CDYL: variants seen among roughly 807,000 people sequenced by gnomAD.
The protein encoded by CDYL is chromodomain Y-like protein.
A neutral mutation model predicts 47.3 loss-of-function variants in CDYL; 8 were observed. The observed-to-expected ratio is 0.17, with a 90% CI of 0.10 to 0.31. The LOEUF (loss-of-function observed/expected upper bound fraction) is 0.31, where lower values mean the gene tolerates loss of function less well. CDYL is among the 10% of genes least tolerant of loss of function. The pLI is 1.00. For synonymous variants in CDYL, 266 were observed against 265.0 expected (o/e 1.00, Z -0.04); for missense variants, 471 against 701.4 (o/e 0.67, Z 3.71).
At chr6:4,712,188 C>A (rs146637672) in intron 1 of CDYL, among the ~76,000 whole-genome samples, 16 of 152,176 alleles carry the variant, frequency 1.1e-4, no homozygotes, top group Non-Finnish European at 2.1e-4. Flanking sequence ...CAGAAAAGAG[C>A]ACCTCTTGAG....
Position 4,841,190 on chromosome 6 carries a change from T to C in CDYL, c.25-50523T>C, listed in dbSNP as rs1239488200. On this transcript the variant is annotated intron_variant, in intron 1 of 6. Coordinates refer to ENST00000397588, the MANE Select transcript of CDYL (RefSeq NM_004824.4). ...TCCATTTCCTCTAGGTTTTTTAGTT[T>C]ATGTGCATAAAGGTGTTCGTAGTTG... Among the ~76,000 whole-genome samples the C allele has an allele frequency of 4.6e-5, 7 of 152,212 alleles. No homozygotes were observed. In the East Asian group the frequency reaches 1.2e-3, roughly 25 times the overall value.
At chr6:4,947,959 C>T (rs112081084) in intron 5 of CDYL, among the ~76,000 whole-genome samples, 2,343 of 152,244 alleles carry the variant, frequency 0.015, 66 homozygotes, top group African/African-American at 0.051. Flanking sequence ...GGGGTGGGGA[C>T]GTGGGTGGCT....
intron 1 of CDYL, among the ~76,000 whole-genome samples, chr6:4,856,194 A>G (rs990125425): frequency 2.0e-5 from 3 of 152,230 alleles, no homozygotes; most frequent in East Asian, 1.9e-4. Flanking sequence ...GGGGCATCAC[A>G]TGAGATCATA....
rs543552430 is a variant in CDYL, at chr6:4,724,099, G to A, written c.103+8218G>A. Among the ~76,000 whole-genome samples the A allele has an allele frequency of 1.7e-4, 26 of 152,328 alleles. 1 individual carries two copies. The highest frequency in any genetic ancestry group is 4.6e-4 in the Admixed American group (7 of 15,300). Reference sequence around the variant, plus strand: ...TGACACCCAGGCTCTGGAGTGCAGGGGCATGATCTTGGCTCACTATAACCT... The same window carrying A: ...TGACACCCAGGCTCTGGAGTGCAGGAGCATGATCTTGGCTCACTATAACCT... On this transcript the variant is annotated intron_variant, in intron 2 of 8. Transcript: ENST00000328908.
intron 2 of CDYL, among the ~76,000 whole-genome samples, chr6:4,727,487 A>T (rs1288970436): frequency 6.6e-6 from 1 of 152,064 alleles, no homozygotes. Context: ...GAAAACTACC[A>T]AGTCATCTCT....
intron 4 of CDYL, among the ~76,000 whole-genome samples, chr6:4,941,612 CA>C (rs113944013): frequency 1.3e-5 from 2 of 152,148 alleles, no homozygotes; most frequent in African/African-American, 4.8e-5. Flanking sequence ...ATTTCAGTTC[CA>C]AAAAATGCCT....
intron 1 of CDYL, among the ~76,000 whole-genome samples, chr6:4,875,589 T>C (rs1472324544): frequency 6.6e-6 from 1 of 152,254 alleles, no homozygotes; most frequent in Non-Finnish European, 1.5e-5. Flanking sequence ...TTACAACTAC[T>C]ATATAAACAT....
chr6:4,845,005 A>G (rs948212960), intron 1 of CDYL, among the ~76,000 whole-genome samples: 13 of 152,200 alleles, frequency 8.5e-5, no homozygotes, highest in Admixed American at 5.9e-4. Flanking sequence ...AATCAAAAAT[A>G]GAAGGGCCAT....
At chr6:4,857,104 A>G (rs1056088589) in intron 1 of CDYL, among the ~76,000 whole-genome samples, 2 of 152,226 alleles carry the variant, frequency 1.3e-5, no homozygotes, top group African/African-American at 2.4e-5. Flanking sequence ...ACAATTAGAA[A>G]AACACAGGCT....
At chr6:4,952,160 G>T (rs1003244546) in intron 5 of CDYL, 106 bp from the exon 6 acceptor site, 6 of 1,327,808 alleles carry the variant, frequency 4.5e-6, no homozygotes, top group Non-Finnish European at 6.2e-6. Flanking sequence ...TTCCCTGCGG[G>T]GCTGGTATTT....
chr6:4,828,953 G>A (rs1760058509), intron 1 of CDYL, among the ~76,000 whole-genome samples: 1 of 152,046 alleles, frequency 6.6e-6, no homozygotes, highest in South Asian at 2.1e-4. Flanking sequence ...ATGTTTGCTT[G>A]GTTCCTTTAT....
chr6:4,937,702 G>A lies in CDYL; in HGVS notation c.1086G>A (p.Arg362=), dbSNP rs1159239829. 1.2e-6 allele frequency: 2 copies of A among 1,609,902 alleles called. No homozygotes were observed. Among genetic ancestry groups the A allele is most frequent in the Non-Finnish European group, 1.7e-6 (2 of 1,178,996 alleles). ...TTATACGACGTCTGACAGATGACAG[G>A]AAAAGAGAAAGCACTAAAATGGCAG... ...IYFIRRLTDD[R]KRESTKMAEA... The change falls in exon 4 of 7, where the codon AGG becomes AGA. Residue 362 remains arginine, a synonymous_variant. Transcript: ENST00000397588.
intron 1 of CDYL, among the ~76,000 whole-genome samples, chr6:4,883,766 A>G (rs1209974954): frequency 6.6e-6 from 1 of 152,204 alleles, no homozygotes; most frequent in African/African-American, 2.4e-5. Flanking sequence ...GACCAATGCA[A>G]CACTGAGACT....
chr6:4,776,277 G>T (rs973106380), upstream of CDYL, among the ~76,000 whole-genome samples: 1,669 of 144,634 alleles, frequency 0.012, 25 homozygotes, highest in African/African-American at 0.039. Flanking sequence ...GCTCCCCTCG[G>T]CTGCCCCGCC....
intron 1 of CDYL, among the ~76,000 whole-genome samples, chr6:4,828,600 T>A (rs1387473380): frequency 6.6e-6 from 1 of 152,194 alleles, no homozygotes; most frequent in Non-Finnish European, 1.5e-5. Context: ...TCAGTGTGGA[T>A]CTTTTTGAGC....
chr6:4,923,625 G>T (rs1377880676), intron 2 of CDYL, among the ~76,000 whole-genome samples: 2 of 151,994 alleles, frequency 1.3e-5, no homozygotes, highest in Admixed American at 1.3e-4. Flanking sequence ...ATTTATTTTT[G>T]AAGAAACCTG....
intron 1 of CDYL, among the ~76,000 whole-genome samples, chr6:4,813,880 C>T (rs1466602440): frequency 6.6e-6 from 1 of 151,544 alleles, no homozygotes; most frequent in Non-Finnish European, 1.5e-5. Context: ...CTCCAACGAT[C>T]CTTCCACCTC....
At chr6:4,883,758 C>G (rs1256456227) in intron 1 of CDYL, among the ~76,000 whole-genome samples, 1 of 152,102 alleles carries the variant, frequency 6.6e-6, no homozygotes, top group African/African-American at 2.4e-5. Context: ...CTTTCCAGGA[C>G]CAATGCAACA....
intron 2 of CDYL, among the ~76,000 whole-genome samples, chr6:4,728,289 G>A (rs1015804014): frequency 6.6e-6 from 1 of 152,092 alleles, no homozygotes; most frequent in Non-Finnish European, 1.5e-5. Context: ...ACTTTGCCTC[G>A]GGCTCACCCC....
Sources: gnomAD v4.1 joint callset for allele counts (sites outside exome capture counted in the v4.1 genomes callset) on GRCh38, gnomAD v4.1.1 for gene constraint, MANE v1.5 for transcripts, NCBI Gene and HGNC (gene_info 2026-07-23, HGNC 2026-07-21) for gene names.